The following TRUB2 variants were observed in gnomAD, a reference collection of about 807,000 sequenced individuals.
TRUB2 encodes the protein pseudouridylate synthase TRUB2, mitochondrial.
TRUB2 carries 31 observed loss-of-function variants against 31.9 expected under a neutral mutation model. The ratio of observed to expected loss-of-function variants is 0.97; its 90% CI spans 0.73 to 1.31. TRUB2 has a LOEUF of 1.31. Ranked by LOEUF, TRUB2 falls within the 50% of genes most tolerant of loss-of-function variation. The pLI is 0.00. For synonymous variants in TRUB2, 201 were observed against 182.6 expected, an observed-to-expected ratio of 1.10 and a Z score of -0.81; for missense variants, 451 against 439.6, an observed-to-expected ratio of 1.03 and a Z score of -0.23.
At position 128,309,524 on chromosome 9, in the gene TRUB2, C is replaced by T; in HGVS notation, c.*26G>A. ...ATAGCAGTTCTTCTATTTATCCATC[C>T]ACTGCCCCAGGAGCTGCCTGGGCAT... On this transcript the variant is annotated 3_prime_UTR_variant, in exon 8 of 8. Coordinates refer to ENST00000372890, the MANE Select transcript of TRUB2 (RefSeq NM_015679.3). The T allele has an allele frequency of 6.3e-7, 1 of 1,591,052 alleles. No individual in the cohort carries two copies. Among genetic ancestry groups the T allele is most frequent in the Non-Finnish European group, 8.6e-7 (1 of 1,165,412 alleles).
chr9:128,320,367 T>C (rs961762170), intron 2 of TRUB2, among the ~76,000 whole-genome samples: 1 of 151,206 alleles, frequency 6.6e-6, no homozygotes, highest in Non-Finnish European at 1.5e-5. Flanking sequence ...AGTTTCACTC[T>C]TATTGTCCAG....
rs1203976836 is a variant in TRUB2, at chr9:128,306,260, T to C, written c.*3290A>G. 1 of 152,088 alleles carries C rather than the reference T, an allele frequency of 6.6e-6. No homozygotes were observed. The highest frequency in any genetic ancestry group is 1.5e-5 in the Non-Finnish European group (1 of 68,022). 9.4% of individuals were successfully genotyped at this position (152,088 alleles called of 1,614,324 possible). ...GAGGCCATCACAGAGTCCACTTTTA[T>C]CATCTCTATGCCAATAAGGGCTCTA... On this transcript the variant is annotated 3_prime_UTR_variant, in exon 8 of 8. Coordinates refer to ENST00000372890, the MANE Select transcript of TRUB2 (RefSeq NM_015679.3).
At chr9:128,319,738 G>A (rs957870384) in intron 2 of TRUB2, among the ~76,000 whole-genome samples, 3 of 143,686 alleles carry the variant, frequency 2.1e-5, no homozygotes, top group Non-Finnish European at 3.0e-5. Context: ...TCCCAGGTTC[G>A]TGCGACTCCT....
intron 2 of TRUB2, among the ~76,000 whole-genome samples, chr9:128,321,270 G>C: frequency 6.6e-6 from 1 of 152,124 alleles, no homozygotes; most frequent in East Asian, 1.9e-4. Context: ...ACTGTACTTA[G>C]TGACACGTGA....
At position 128,309,431 on chromosome 9, in the gene TRUB2, G is replaced by T; in HGVS notation, c.*119C>A. The T allele has an allele frequency of 8.9e-7, 1 of 1,117,616 alleles. No homozygotes were observed. The highest frequency in any genetic ancestry group is 1.3e-6 in the Non-Finnish European group (1 of 790,432). 69.2% of individuals were successfully genotyped at this position (1,117,616 alleles called of 1,614,324 possible). A position where few individuals can be genotyped will look rare whatever the true frequency, so the allele number is the denominator to read the frequency against. ...TCCATTGACCTTTCTGTTACAGCTT[G>T]AGTTTTGTGTCTTACGTAGAAAAGG... On this transcript the variant is annotated 3_prime_UTR_variant, in exon 8 of 8. Transcript: ENST00000372890.
At position 128,320,513 on chromosome 9, in the gene TRUB2, G is replaced by T. The variant is rs141109087; in HGVS notation, c.241+1086C>A. On this transcript the variant is annotated intron_variant, in intron 2 of 7. Coordinates refer to ENST00000372890, the MANE Select transcript of TRUB2 (RefSeq NM_015679.3). ...ACACCTGTCTAATTTTGTATTTTTA[G>T]TAGAGACGGGGTTTCTCCATGTTGG... 4.1e-3 allele frequency among the ~76,000 whole-genome samples: 625 copies of T among 152,016 alleles called. 5 individuals are homozygous for T. The highest frequency in any genetic ancestry group is 0.015 in the African/African-American group (605 of 41,470).
chr9:128,309,195 A>C lies in TRUB2; in HGVS notation c.*355T>G. 1 of 217,906 alleles carries C rather than the reference A, an allele frequency of 4.6e-6. No homozygotes were observed. Among genetic ancestry groups the C allele is most frequent in the East Asian group, 9.6e-5 (1 of 10,434 alleles). The allele number at this position is 217,906 out of a possible 1,614,324, so 13.5% of individuals were successfully genotyped here. ...ATGGCAGGGGTCTCATATGTTCCCC[A>C]GACTAGAGTGCAGTGGCTATTCACA... On this transcript the variant is annotated 3_prime_UTR_variant, in exon 8 of 8. Transcript: ENST00000372890.
In TRUB2 at chr9:128,309,421, G is replaced by C. The variant is rs1365430760; in HGVS notation, c.*129C>G. 9.7e-7 allele frequency: 1 copy of C among 1,032,644 alleles called. No homozygotes were observed. Among genetic ancestry groups the C allele is most frequent in the Admixed American group, 2.6e-5 (1 of 38,952 alleles). 64.0% of individuals were successfully genotyped at this position (1,032,644 alleles called of 1,614,324 possible). A position where few individuals can be genotyped will look rare whatever the true frequency, so the allele number is the denominator to read the frequency against. On this transcript the variant is annotated 3_prime_UTR_variant, in exon 8 of 8. Coordinates refer to ENST00000372890, the MANE Select transcript of TRUB2 (RefSeq NM_015679.3). ...TTGGGTCAAGTCCATTGACCTTTCT[G>C]TTACAGCTTGAGTTTTGTGTCTTAC...
intron 3 of TRUB2, 120 bp from the exon 4 acceptor site, chr9:128,315,748 A>C: frequency 1.7e-6 from 2 of 1,146,886 alleles, no homozygotes; most frequent in Non-Finnish European, 2.5e-6. Context: ...GGCAACAAGA[A>C]GGCAAAAAGA....
rs1358637983 is a variant in TRUB2 at position 128,322,330 on chromosome 9, G to T, written c.79C>A (p.Arg27=). 6.2e-7 allele frequency: 1 copy of T among 1,613,990 alleles called. No homozygotes were observed. The highest frequency in any genetic ancestry group is 1.3e-5 in the African/African-American group (1 of 74,894). Residue 27 remains arginine (R), a synonymous_variant, in exon 1 of 8, where the codon CGG becomes AGG. Coordinates refer to ENST00000372890, the MANE Select transcript of TRUB2 (RefSeq NM_015679.3). ...KPPGLKWKHL[R]DTVELQLLKG... ...AGAAGTTGTAGCTCCACTGTATCCC[G>T]CAGGTGCTTCCATTTTAGCCCCGGG... is the stretch of plus-strand genomic sequence containing the variant.
At chr9:128,317,326 G>T in intron 2 of TRUB2, 100 bp from the exon 3 acceptor site, 1 of 1,050,508 alleles carries the variant, frequency 9.5e-7, no homozygotes. Context: ...GCCTCATGGA[G>T]CCCAAACTAG....
At chr9:128,310,794 G>A (rs1831954022) in intron 7 of TRUB2, 93 bp downstream of exon 7, 1 of 1,543,512 alleles carries the variant, frequency 6.5e-7, no homozygotes, top group Non-Finnish European at 8.9e-7. Context: ...CCTCAGCTGA[G>A]CCAGACAACA....
chr9:128,320,427 G>T (rs1011067259), intron 2 of TRUB2, among the ~76,000 whole-genome samples: 2 of 151,950 alleles, frequency 1.3e-5, no homozygotes, highest in East Asian at 1.9e-4. Flanking sequence ...CCGACTCCCG[G>T]GTTCAAGCAA....
chr9:128,309,413 A>G lies in TRUB2; in HGVS notation c.*137T>C, dbSNP rs186463651. ...CTTCTCAGTTGGGTCAAGTCCATTG[A>G]CCTTTCTGTTACAGCTTGAGTTTTG... On this transcript the variant is annotated 3_prime_UTR_variant, in exon 8 of 8. Transcript: ENST00000372890. 59 of 932,432 alleles carry G rather than the reference A, an allele frequency of 6.3e-5. No individual in the cohort carries two copies. In the Admixed American group the frequency reaches 1.1e-3, roughly 18 times the overall value. The allele number at this position is 932,432 out of a possible 1,614,324, so 57.8% of individuals were successfully genotyped here. A position where few individuals can be genotyped will look rare whatever the true frequency, so the allele number is the denominator to read the frequency against.
chr9:128,307,849 T>C lies in TRUB2; in HGVS notation c.*1701A>G, dbSNP rs1831892828. ...CCTGAGAGGACAAAGCTGCAGTGAGTCATGTTTGCATCACTGCACTCCAGC... is the reference window on the plus strand; with the variant it reads ...CCTGAGAGGACAAAGCTGCAGTGAGCCATGTTTGCATCACTGCACTCCAGC... On this transcript the variant is annotated 3_prime_UTR_variant, in exon 8 of 8. Coordinates refer to ENST00000372890, the MANE Select transcript of TRUB2 (RefSeq NM_015679.3). The C allele has an allele frequency of 6.6e-6, 1 of 151,958 alleles. No individual in the cohort carries two copies. The highest frequency in any genetic ancestry group is 2.1e-4 in the South Asian group (1 of 4,808). 9.4% of individuals were successfully genotyped at this position (151,958 alleles called of 1,614,324 possible). A position where few individuals can be genotyped will look rare whatever the true frequency, so the allele number is the denominator to read the frequency against.
chr9:128,313,949 T>A, intron 4 of TRUB2, 60 bp from the exon 5 acceptor site: 1 of 1,528,500 alleles, frequency 6.5e-7, no homozygotes, highest in Non-Finnish European at 9.1e-7. Flanking sequence ...TAGTAGCCCC[T>A]GCCCCAGAAG....
chr9:128,312,803 C>T (rs571547798), intron 5 of TRUB2, among the ~76,000 whole-genome samples: 128 of 151,606 alleles, frequency 8.4e-4, no homozygotes, highest in Middle Eastern at 3.4e-3. Context: ...TTACTAGAGA[C>T]GGGTTTTACC....
At chr9:128,312,975 G>T (rs1028565824) in intron 5 of TRUB2, among the ~76,000 whole-genome samples, 3 of 151,978 alleles carry the variant, frequency 2.0e-5, no homozygotes, top group African/African-American at 7.2e-5. Flanking sequence ...CAGCACTTTG[G>T]GAGGCCGAGG....
At chr9:128,311,831 ATTT>A (rs1221501677) in intron 5 of TRUB2, among the ~76,000 whole-genome samples, 1 of 118,892 alleles carries the variant, frequency 8.4e-6, no homozygotes, top group Non-Finnish European at 1.7e-5. Context: ...AGGGCACTCT[ATTT>A]TTTTTTTTTT....
Sources: gnomAD v4.1 joint callset for allele counts (sites outside exome capture counted in the v4.1 genomes callset) on GRCh38, gnomAD v4.1.1 for gene constraint, MANE v1.5 for transcripts, NCBI Gene and HGNC (gene_info 2026-07-23, HGNC 2026-07-21) for gene names.